CPEB3: variants seen among roughly 807,000 people sequenced by gnomAD.
CPEB3 encodes cytoplasmic polyadenylation element binding protein 3.
In CPEB3, 20 loss-of-function variants were observed where a neutral mutation model predicts 67.2. That is an observed-to-expected ratio of 0.30 (90% CI 0.21 to 0.43). The LOEUF is 0.43. Ranked by LOEUF, CPEB3 falls within the 20% of genes least tolerant of loss-of-function variation. CPEB3 has a pLI of 1.00. For synonymous variants in CPEB3, 376 were observed against 393.1 expected, an observed-to-expected ratio of 0.96 and a Z score of 0.51; for missense variants, 746 against 968.6, an observed-to-expected ratio of 0.77 and a Z score of 3.05.
chr10:92,200,494 G>C (rs554804067), intron 2 of CPEB3, among the ~76,000 whole-genome samples: 1 of 133,046 alleles, frequency 7.5e-6, no homozygotes, highest in African/African-American at 2.9e-5. Flanking sequence ...GAGGTGAGCC[G>C]AGATCACACC....
At chr10:92,235,793 T>C (rs2134618447) in intron 2 of CPEB3, among the ~76,000 whole-genome samples, 1 of 152,348 alleles carries the variant, frequency 6.6e-6, no homozygotes. Flanking sequence ...TCACCTCACA[T>C]GTTGGGACTT....
intron 7 of CPEB3, among the ~76,000 whole-genome samples, chr10:92,095,333 C>T (rs1159944075): frequency 6.6e-6 from 1 of 152,086 alleles, no homozygotes; most frequent in Admixed American, 6.6e-5. Flanking sequence ...AGAGCTGTCA[C>T]CTCTGCAGAA....
chr10:92,137,247 T>C (rs1846143974), intron 6 of CPEB3: 1 of 572,482 alleles, frequency 1.7e-6, no homozygotes, highest in Non-Finnish European at 3.2e-6. Flanking sequence ...CCTCCTGTCA[T>C]GGCTGTATTG....
intron 2 of CPEB3, chr10:92,216,433 C>T (rs571216023): frequency 3.7e-6 from 6 of 1,612,514 alleles, no homozygotes; most frequent in East Asian, 4.5e-5. Context: ...AGAACCCCAT[C>T]GCGCAGCTCC....
chr10:92,198,660 G>A (rs925995680), intron 2 of CPEB3, among the ~76,000 whole-genome samples: 2 of 152,330 alleles, frequency 1.3e-5, no homozygotes, highest in East Asian at 3.9e-4. Context: ...GCTAGGCACT[G>A]GACTAAATGG....
chr10:92,254,723 C>G (rs1040341555), intron 1 of CPEB3, among the ~76,000 whole-genome samples: 1 of 152,018 alleles, frequency 6.6e-6, no homozygotes, highest in Non-Finnish European at 1.5e-5. Context: ...GTGGCATGAT[C>G]ATACCTCTCA....
chr10:92,192,408 C>T, intron 3 of CPEB3, 69 bp downstream of exon 3: 1 of 1,432,624 alleles, frequency 7.0e-7, no homozygotes. Flanking sequence ...CCAGAAAAAT[C>T]AAAATTATTA....
At position 92,081,467 on chromosome 10, in the gene CPEB3, A is replaced by C; in HGVS notation, c.1722T>G (p.Gly574=). 6.2e-7 allele frequency: 1 copy of C among 1,613,902 alleles called. No individual in the cohort carries two copies. Among genetic ancestry groups the C allele is most frequent in the Non-Finnish European group, 8.5e-7 (1 of 1,179,988 alleles). The change falls in exon 9 of 10, where the codon GGT becomes GGG. Residue 574 remains glycine (G), a synonymous_variant. Transcript: ENST00000265997. ...TATCAATGCCAGCATAGCAGACACCACCGTACAAACGGTCCATGATCATTG... is the reference window on the plus strand; with the variant it reads ...TATCAATGCCAGCATAGCAGACACCCCCGTACAAACGGTCCATGATCATTG... ...ELAMIMDRLY[G]GVCYAGIDTD... is the part of the protein sequence containing the mutation.
At chr10:92,084,204 G>A (rs1843278427) in intron 8 of CPEB3, among the ~76,000 whole-genome samples, 1 of 150,434 alleles carries the variant, frequency 6.6e-6, no homozygotes, top group African/African-American at 2.4e-5. Context: ...ATCTCCTGAT[G>A]CCAGAGAAGC....
intron 2 of CPEB3, among the ~76,000 whole-genome samples, chr10:92,236,144 C>A (rs1189237909): frequency 6.6e-6 from 1 of 152,166 alleles, no homozygotes; most frequent in African/African-American, 2.4e-5. Flanking sequence ...CACCAAGATG[C>A]ATTAGCCTAA....
intron 6 of CPEB3, among the ~76,000 whole-genome samples, chr10:92,115,101 G>A (rs895898182): frequency 1.3e-5 from 2 of 152,208 alleles, no homozygotes; most frequent in African/African-American, 4.8e-5. Context: ...GCTGCGGGGC[G>A]CGGGAGGAGG....
rs745401160 is a variant in CPEB3, at chr10:92,081,408, C to A, written c.1781G>T (p.Gly594Val). The stretch of plus-strand genomic sequence containing the variant: ...CTGCTGATTGGAGAATGCCACGCGG[C>A]CAGCACCTTTGGGGTACTTCAGCTC... Reference protein sequence around the residue: ...DPELKYPKGAGRVAFSNQQSY... With the variant: ...DPELKYPKGAVRVAFSNQQSY... Residue 594 changes from glycine (G) to valine (V), a missense_variant, in exon 9 of 10, where the codon GGC becomes GTC. Physicochemically the swap from Gly to Val is moderately radical, Grantham distance 109. Around this residue, in one of 2 missense-constraint regions of CPEB3, gnomAD observed 103 missense variants for 251.1 expected, o/e 0.41. Transcript: ENST00000265997. 1 of 1,614,154 alleles carries A rather than the reference C, an allele frequency of 6.2e-7. No individual in the cohort carries two copies. Among genetic ancestry groups the A allele is most frequent in the Non-Finnish European group, 8.5e-7 (1 of 1,180,030 alleles).
At chr10:92,266,487 C>T (rs1853062583) in intron 1 of CPEB3, among the ~76,000 whole-genome samples, 1 of 152,114 alleles carries the variant, frequency 6.6e-6, no homozygotes, top group South Asian at 2.1e-4. Context: ...TTCATTAATT[C>T]AATACATTTA....
rs916229773 is a variant in CPEB3 at position 92,254,876 on chromosome 10, T to C, written c.-11-14515A>G. On this transcript the variant is annotated intron_variant, in intron 1 of 9. Coordinates refer to ENST00000265997, the MANE Select transcript of CPEB3 (RefSeq NM_014912.5). ...TATTTTTTTATTTTTTATTTTTATT[T>C]TTATTTTTTTTTCTGGCGATGGAGT... Among the ~76,000 whole-genome samples, 39 of 152,074 alleles carry C rather than the reference T, an allele frequency of 2.6e-4. 1 individual carries two copies. Among genetic ancestry groups the C allele is most frequent in the African/African-American group, 8.7e-4 (36 of 41,504 alleles).
At position 92,063,128 on chromosome 10, in the gene CPEB3, T is replaced by A. The variant is rs556174332; in HGVS notation, c.1870-10689A>T. Among the ~76,000 whole-genome samples the A allele has an allele frequency of 3.1e-4, 47 of 152,368 alleles. No homozygotes were observed. In the East Asian group the frequency reaches 8.1e-3, roughly 26 times the overall value. Reference sequence around the variant, plus strand: ...GCTACAGACAAAGAGAAAGCCATACTTTTTAACAAACTGATCTCAATGCTT... The same window carrying A: ...GCTACAGACAAAGAGAAAGCCATACATTTTAACAAACTGATCTCAATGCTT... On this transcript the variant is annotated intron_variant, in intron 9 of 9. Transcript: ENST00000265997.
chr10:92,137,087 G>T (rs2133775796), intron 6 of CPEB3: 2 of 295,410 alleles, frequency 6.8e-6, no homozygotes, highest in East Asian at 8.3e-5. Flanking sequence ...GCCCTATCTG[G>T]GACTGGGAAA....
intron 9 of CPEB3, among the ~76,000 whole-genome samples, chr10:92,055,664 C>T (rs559886103): frequency 3.3e-5 from 5 of 152,124 alleles, no homozygotes; most frequent in African/African-American, 7.2e-5. Context: ...CCATCATTTT[C>T]GTTTTGCCTA....
intron 6 of CPEB3, among the ~76,000 whole-genome samples, chr10:92,118,226 G>A (rs1845139373): frequency 6.6e-6 from 1 of 152,046 alleles, no homozygotes; most frequent in South Asian, 2.1e-4. Flanking sequence ...CTGCCTCCGG[G>A]GTTCAGGTGA....
intron 4 of CPEB3, among the ~76,000 whole-genome samples, chr10:92,177,721 G>T (rs1848285108): frequency 6.6e-6 from 1 of 152,140 alleles, no homozygotes; most frequent in Non-Finnish European, 1.5e-5. Flanking sequence ...TAACTGGAGG[G>T]CATGCACTAG....
Sources: gnomAD v4.1 joint callset for allele counts (sites outside exome capture counted in the v4.1 genomes callset) on GRCh38, gnomAD v4.1.1 for gene constraint, gnomAD v4.1.1 regional missense constraint, MANE v1.5 for transcripts, NCBI Gene and HGNC (gene_info 2026-07-23, HGNC 2026-07-21) for gene names.